The following CDH18 variants were observed in gnomAD, a reference collection of about 807,000 sequenced individuals.
CDH18 encodes the protein cadherin 18, also known as cadherin-18.
CDH18 carries 31 observed loss-of-function variants against 67.9 expected under a neutral mutation model. The observed-to-expected ratio is 0.46, with a 90% CI of 0.34 to 0.62. The LOEUF is 0.62. CDH18 is among the 20% of genes least tolerant of loss of function. CDH18 has a pLI of 0.01. For synonymous variants in CDH18, 362 were observed against 347.2 expected (o/e 1.04, Z -0.48); for missense variants, 890 against 975.5 (o/e 0.91, Z 1.17).
In CDH18 at chr5:19,560,920, C is replaced by T. The variant is rs150246907; in HGVS notation, c.1253+10659G>A. Among the ~76,000 whole-genome samples, 334 of 152,166 alleles carry T rather than the reference C, an allele frequency of 2.2e-3. 1 individual carries two copies. Among genetic ancestry groups the T allele is most frequent in the Non-Finnish European group, 3.3e-3 (227 of 67,958 alleles). The stretch of plus-strand genomic sequence containing the variant: ...AACAGATGAAAAAAATTCAACATCA[C>T]GAATTATCAGGGAACTGCAAATCAA... On this transcript the variant is annotated intron_variant, in intron 8 of 12. Transcript: ENST00000382275.
intron 2 of CDH18, among the ~76,000 whole-genome samples, chr5:19,854,936 TCA>T (rs1319496171): frequency 6.7e-6 from 1 of 149,780 alleles, no homozygotes; most frequent in Non-Finnish European, 1.5e-5. Context: ...CTCCATGAGT[TCA>T]GTTTTGTTTT....
intron 2 of CDH18, among the ~76,000 whole-genome samples, chr5:20,129,790 T>C (rs1321621116): frequency 6.6e-6 from 1 of 152,030 alleles, no homozygotes; most frequent in Non-Finnish European, 1.5e-5. Flanking sequence ...GCCACTGATA[T>C]TACGAAGTTA....
chr5:19,822,140 G>A (rs1162584803), intron 3 of CDH18, among the ~76,000 whole-genome samples: 1 of 152,108 alleles, frequency 6.6e-6, no homozygotes, highest in Non-Finnish European at 1.5e-5. Flanking sequence ...TTGAATGTAG[G>A]TGCTCTAAAC....
At chr5:19,652,403 G>T (rs1446800447) in intron 5 of CDH18, among the ~76,000 whole-genome samples, 2 of 151,978 alleles carry the variant, frequency 1.3e-5, no homozygotes, top group African/African-American at 4.8e-5. Context: ...CGATTTCAAA[G>T]GAAAAACAGA....
chr5:20,333,924 CTA>C (rs1739438644), intron 1 of CDH18, among the ~76,000 whole-genome samples: 1 of 151,530 alleles, frequency 6.6e-6, no homozygotes, highest in African/African-American at 2.4e-5. Context: ...TCATAAGTAA[CTA>C]TTTAATTTAT....
At chr5:20,449,422 G>T (rs1750257576) in intron 1 of CDH18, among the ~76,000 whole-genome samples, 2 of 151,860 alleles carry the variant, frequency 1.3e-5, no homozygotes, top group South Asian at 4.2e-4. Context: ...AAACATACAA[G>T]CCCAGGGCTT....
chr5:19,608,512 C>CA (rs887353863), intron 6 of CDH18, among the ~76,000 whole-genome samples: 57 of 151,312 alleles, frequency 3.8e-4, no homozygotes, highest in African/African-American at 1.2e-3. Context: ...GCTCCCCCCC[C>CA]AAAAAAAATC....
At chr5:20,438,620 A>G (rs1561002518) in intron 1 of CDH18, among the ~76,000 whole-genome samples, 1 of 151,376 alleles carries the variant, frequency 6.6e-6, no homozygotes, top group Non-Finnish European at 1.5e-5. Flanking sequence ...GGGTTGAAGG[A>G]GAGTGGGCTC....
chr5:20,305,291 T>G, intron 1 of CDH18: 1 of 1,500,258 alleles, frequency 6.7e-7, no homozygotes, highest in South Asian at 1.1e-5. Flanking sequence ...AAGCCTCCTC[T>G]ACTGTCAGAT....
At chr5:19,745,366 C>A (rs140522411) in intron 4 of CDH18, among the ~76,000 whole-genome samples, 17 of 152,292 alleles carry the variant, frequency 1.1e-4, no homozygotes, top group African/African-American at 4.1e-4. Flanking sequence ...TGGGTAATGC[C>A]TGCTCTGCCT....
rs191548764 is a variant in CDH18, at chr5:19,764,028, T to A, written c.229-16792A>T. Among the ~76,000 whole-genome samples the A allele has an allele frequency of 2.8e-3, 341 of 123,290 alleles. 1 individual carries two copies. Among genetic ancestry groups the A allele is most frequent in the African/African-American group, 1.0e-2 (326 of 32,628 alleles). 80.9% of individuals were successfully genotyped at this position (123,290 alleles called of 152,430 possible). A position where few individuals can be genotyped will look rare whatever the true frequency, so the allele number is the denominator to read the frequency against. On this transcript the variant is annotated intron_variant, in intron 3 of 12. Coordinates refer to ENST00000382275, the MANE Select transcript of CDH18 (RefSeq NM_004934.5). ...AAAAAAAAAAAAAAAATTAGCTGGG[T>A]GTGGTGGCAGATGCCTGTAATCCCA...
intron 12 of CDH18, among the ~76,000 whole-genome samples, chr5:19,474,242 T>A (rs1738065272): frequency 6.6e-6 from 1 of 152,140 alleles, no homozygotes; most frequent in South Asian, 2.1e-4. Context: ...TTAATGTTGA[T>A]CTCTTTTGTC....
At chr5:20,527,216 A>T (rs115494221) in intron 1 of CDH18, among the ~76,000 whole-genome samples, 1,787 of 152,200 alleles carry the variant, frequency 0.012, 42 homozygotes, top group African/African-American at 0.041. Context: ...TAGAGAAAAA[A>T]GAATAAAAAG....
chr5:19,801,954 A>G (rs1360491476), intron 3 of CDH18, among the ~76,000 whole-genome samples: 1 of 152,204 alleles, frequency 6.6e-6, no homozygotes, highest in East Asian at 1.9e-4. Flanking sequence ...CTAAAATTGT[A>G]ACAAAATTGA....
At chr5:20,235,954 T>C (rs1225221015) in intron 2 of CDH18, among the ~76,000 whole-genome samples, 1 of 152,172 alleles carries the variant, frequency 6.6e-6, no homozygotes, top group African/African-American at 2.4e-5. Context: ...CACAGCAACA[T>C]GGATGCAGCT....
intron 8 of CDH18, among the ~76,000 whole-genome samples, chr5:19,553,600 C>G (rs1172261812): frequency 6.8e-6 from 1 of 147,280 alleles, no homozygotes; most frequent in Non-Finnish European, 1.5e-5. Context: ...TCAATACATA[C>G]CCTGTGAGAT....
In CDH18 at chr5:20,375,960, A is replaced by T. The variant is rs545688401; in HGVS notation, c.-579-120455T>A. ...AATTTGACATTAATTTATTCAATCT[A>T]CAGATACTGCCTAAATATCCACTGA... On this transcript the variant is annotated intron_variant, in intron 1 of 14. Transcript: ENST00000507958. 3.8e-3 allele frequency among the ~76,000 whole-genome samples: 585 copies of T among 152,142 alleles called. 1 individual carries two copies. Among genetic ancestry groups the T allele is most frequent in the Non-Finnish European group, 6.3e-3 (428 of 67,990 alleles).
rs1308402327 is a variant in CDH18, at chr5:19,718,266, T to A, written c.643+3081A>T. On this transcript the variant is annotated intron_variant, in intron 5 of 12. Transcript: ENST00000382275. ...CCACATTTTGAGGGGTCAGAAGTTA[T>A]GTTTTATTATGATTGGTCTTCAATG... Among the ~76,000 whole-genome samples the A allele has an allele frequency of 2.0e-5, 3 of 152,006 alleles. No homozygotes were observed. The East Asian group carries it at 5.8e-4, about 29-fold the overall frequency.
intron 1 of CDH18, among the ~76,000 whole-genome samples, chr5:20,315,424 T>C (rs569771066): frequency 6.6e-6 from 1 of 152,216 alleles, no homozygotes; most frequent in South Asian, 2.1e-4. Flanking sequence ...AAAGTGACAT[T>C]ATTGTATTCT....
Sources: allele counts gnomAD v4.1 joint callset (sites outside exome capture counted in the v4.1 genomes callset), GRCh38; gene constraint gnomAD v4.1.1; transcripts MANE v1.5; gene names NCBI Gene and HGNC (gene_info 2026-07-23, HGNC 2026-07-21).